The following ROR2 variants were observed in gnomAD, a reference collection of about 807,000 sequenced individuals.
The protein encoded by ROR2 is tyrosine-protein kinase transmembrane receptor ROR2.
Under a neutral mutation model 74.9 loss-of-function variants are expected in ROR2, and 33 were observed. That is an observed-to-expected ratio of 0.44 (90% CI 0.33 to 0.59). The LOEUF is 0.59. Ranked by LOEUF, ROR2 falls within the 20% of genes least tolerant of loss-of-function variation. The probability of loss-of-function intolerance (pLI) is 0.02; values close to 1 mark genes in which losing one functional copy is unlikely to be tolerated. For synonymous variants in ROR2, 586 were observed against 558.7 expected (o/e 1.05, Z -0.69); for missense variants, 1,216 against 1,313.8 (o/e 0.93, Z 1.15).
chr9:91,725,510 T>G (rs1249313342), intron 8 of ROR2, among the ~76,000 whole-genome samples: 2 of 152,140 alleles, frequency 1.3e-5, no homozygotes, highest in Non-Finnish European at 2.9e-5. Flanking sequence ...CCCCCATGTG[T>G]GCCGACACAT....
chr9:91,759,812 G>A (rs958877213), intron 2 of ROR2, among the ~76,000 whole-genome samples: 4 of 152,130 alleles, frequency 2.6e-5, no homozygotes, highest in African/African-American at 7.2e-5. Flanking sequence ...AGAGTCTCAC[G>A]GACAGCACCA....
At chr9:91,766,437 G>A (rs1450438671) in intron 2 of ROR2, among the ~76,000 whole-genome samples, 1 of 152,136 alleles carries the variant, frequency 6.6e-6, no homozygotes, top group Non-Finnish European at 1.5e-5. Context: ...ATAAGCATTT[G>A]CATCTTTTAC....
chr9:91,826,591 C>G (rs1316907383), intron 1 of ROR2, among the ~76,000 whole-genome samples: 2 of 151,962 alleles, frequency 1.3e-5, no homozygotes, highest in East Asian at 3.9e-4. Flanking sequence ...ACCATCCTGG[C>G]TAACACAGTG....
intron 4 of ROR2, among the ~76,000 whole-genome samples, chr9:91,744,248 G>C (rs1461446984): frequency 9.5e-6 from 1 of 104,940 alleles, no homozygotes; most frequent in Non-Finnish European, 1.7e-5. Context: ...GAGAGACAGA[G>C]TATTGCTCTG....
intron 1 of ROR2, among the ~76,000 whole-genome samples, chr9:91,853,115 G>A (rs1450201972): frequency 6.6e-6 from 1 of 152,240 alleles, no homozygotes; most frequent in Non-Finnish European, 1.5e-5. Flanking sequence ...GCTGGGGACT[G>A]GGGCTGAGGC....
chr9:91,804,029 C>T (rs1285484643), intron 1 of ROR2, among the ~76,000 whole-genome samples: 2 of 152,190 alleles, frequency 1.3e-5, no homozygotes, highest in Non-Finnish European at 2.9e-5. Context: ...ACCCTAAAAT[C>T]ACCAGAAACA....
At chr9:91,790,403 G>T (rs1190382473) in intron 1 of ROR2, among the ~76,000 whole-genome samples, 1 of 151,548 alleles carries the variant, frequency 6.6e-6, no homozygotes, top group Non-Finnish European at 1.5e-5. Flanking sequence ...CCAGCTACTC[G>T]GGAGGCTGAG....
chr9:91,779,744 C>T (rs898056576), intron 1 of ROR2, among the ~76,000 whole-genome samples: 17 of 152,128 alleles, frequency 1.1e-4, no homozygotes, highest in Admixed American at 6.5e-4. Context: ...TGCACCCTAA[C>T]CCTATGAACA....
At chr9:91,884,292 A>C (rs1830208766) in intron 1 of ROR2, among the ~76,000 whole-genome samples, 2 of 152,116 alleles carry the variant, frequency 1.3e-5, no homozygotes, top group Non-Finnish European at 2.9e-5. Context: ...CAGACCAGCC[A>C]AGGCTGTTCA....
At chr9:91,918,150 C>T (rs575659831) in intron 1 of ROR2, among the ~76,000 whole-genome samples, 99 of 152,162 alleles carry the variant, frequency 6.5e-4, no homozygotes, top group African/African-American at 2.3e-3. Context: ...CGCCTGTAGT[C>T]CCAGCTACTT....
At chr9:91,742,650 G>A (rs1319946540) in intron 4 of ROR2, among the ~76,000 whole-genome samples, 5 of 152,148 alleles carry the variant, frequency 3.3e-5, no homozygotes, top group Non-Finnish European at 5.9e-5. Context: ...AATCCTCATC[G>A]CCTAGTGACA....
At chr9:91,747,761 G>A (rs958814525) in intron 4 of ROR2, among the ~76,000 whole-genome samples, 4 of 152,212 alleles carry the variant, frequency 2.6e-5, no homozygotes, top group Admixed American at 6.5e-5. Context: ...CGGGGGAGGA[G>A]TCAGTCTACT....
rs532315259 is a variant in ROR2, at chr9:91,733,972, G to A, written c.623-536C>T. ...TGGTAAAATGCGGAAAGCCAAGAGG[G>A]TGAGAGCAGCAAAGTGGGAGGAGAG... On this transcript the variant is annotated intron_variant, in intron 5 of 8. Transcript: ENST00000375708. This position sits in a 1 kb window ranked among gnomAD's most constrained non-coding sequence, Gnocchi z 5.7. Among the ~76,000 whole-genome samples, 40 of 152,346 alleles carry A rather than the reference G, an allele frequency of 2.6e-4. No homozygotes were observed. Among genetic ancestry groups the A allele is most frequent in the African/African-American group, 9.4e-4 (39 of 41,576 alleles).
At chr9:91,828,575 G>A (rs1828362459) in intron 1 of ROR2, among the ~76,000 whole-genome samples, 2 of 152,246 alleles carry the variant, frequency 1.3e-5, no homozygotes, top group African/African-American at 4.8e-5. Flanking sequence ...TTAGCTTGGC[G>A]TGGTAGTGCA....
At chr9:91,855,591 G>A (rs1327206150) in intron 1 of ROR2, among the ~76,000 whole-genome samples, 2 of 151,984 alleles carry the variant, frequency 1.3e-5, no homozygotes, top group African/African-American at 4.8e-5. Flanking sequence ...GAGAAGGAAG[G>A]GACACCCAGG....
chr9:91,873,443 G>A (rs1829864826), intron 1 of ROR2, among the ~76,000 whole-genome samples: 1 of 152,144 alleles, frequency 6.6e-6, no homozygotes, highest in Admixed American at 6.5e-5. Context: ...AGAAAAATTA[G>A]CCAGGCATAT....
At chr9:91,865,642 A>G (rs960668267) in intron 1 of ROR2, among the ~76,000 whole-genome samples, 6 of 152,360 alleles carry the variant, frequency 3.9e-5, no homozygotes, top group African/African-American at 1.4e-4. Flanking sequence ...CATTTTCAAA[A>G]TATGGGCCCA....
At chr9:91,914,816 G>A (rs1831088156) in intron 1 of ROR2, among the ~76,000 whole-genome samples, 1 of 152,178 alleles carries the variant, frequency 6.6e-6, no homozygotes, top group Admixed American at 6.5e-5. Context: ...ACCTGAACAG[G>A]AGCACAAAGG....
chr9:91,839,665 T>G (rs1210675642), intron 1 of ROR2, among the ~76,000 whole-genome samples: 1 of 150,530 alleles, frequency 6.6e-6, no homozygotes, highest in South Asian at 2.1e-4. Context: ...TGGGGATACA[T>G]GTTTGTGCAT....
Sources: gnomAD v4.1 joint callset for allele counts (sites outside exome capture counted in the v4.1 genomes callset) on GRCh38, gnomAD v4.1.1 for gene constraint, Gnocchi (gnomAD v3.1) non-coding constraint, MANE v1.5 for transcripts, NCBI Gene and HGNC (gene_info 2026-07-23, HGNC 2026-07-21) for gene names.